The following DENND5B variants were observed in gnomAD, a reference collection of about 807,000 sequenced individuals.
DENND5B encodes DENN domain containing 5B.
DENND5B carries 34 observed loss-of-function variants against 140.6 expected under a neutral mutation model. The observed-to-expected ratio is 0.24, with a 90% CI of 0.18 to 0.32. DENND5B has a LOEUF of 0.32. DENND5B is among the 10% of genes least tolerant of loss of function. DENND5B has a pLI of 1.00. For synonymous variants in DENND5B, 551 were observed against 562.1 expected (o/e 0.98, Z 0.28); for missense variants, 1,142 against 1,560.2 (o/e 0.73, Z 4.52).
At chr12:31,502,345 A>G (rs1947042816) in intron 1 of DENND5B, among the ~76,000 whole-genome samples, 1 of 152,118 alleles carries the variant, frequency 6.6e-6, no homozygotes, top group Admixed American at 6.6e-5. Context: ...AAAACATTAT[A>G]TTCAATCTTA....
intron 17 of DENND5B, among the ~76,000 whole-genome samples, chr12:31,393,167 T>C (rs1266771707): frequency 1.3e-5 from 2 of 152,112 alleles, no homozygotes; most frequent in African/African-American, 2.4e-5. Flanking sequence ...TAGTGAAATG[T>C]TCCCTTATGC....
At chr12:31,394,935 C>T (rs1941354601) in intron 17 of DENND5B, among the ~76,000 whole-genome samples, 1 of 152,014 alleles carries the variant, frequency 6.6e-6, no homozygotes, top group Non-Finnish European at 1.5e-5. Flanking sequence ...TTTCAGTTAC[C>T]TTCCTTAGCT....
At chr12:31,479,309 T>C (rs992470963) in intron 3 of DENND5B, among the ~76,000 whole-genome samples, 1 of 152,124 alleles carries the variant, frequency 6.6e-6, no homozygotes, top group Non-Finnish European at 1.5e-5. Context: ...TTATATATTA[T>C]CAGGAAAAAA....
At chr12:31,395,507 C>T (rs903957653) in intron 17 of DENND5B, among the ~76,000 whole-genome samples, 6 of 152,236 alleles carry the variant, frequency 3.9e-5, no homozygotes, top group African/African-American at 1.4e-4. Flanking sequence ...GCAGGAGAAT[C>T]GCTTGAACCT....
intron 1 of DENND5B, among the ~76,000 whole-genome samples, chr12:31,560,774 G>A (rs915324671): frequency 6.6e-5 from 10 of 152,006 alleles, no homozygotes; most frequent in East Asian, 1.9e-4. Context: ...AGGGTTACTC[G>A]AACTCACCAG....
In DENND5B at chr12:31,387,581, TGA is replaced by T; in HGVS notation, c.*20_*21del. ...GTTGGGGAAGGAGCAAGGTTTGGACTGAGAGTTTCTAGCCAGTTGGGTTACAC... is the reference window on the plus strand; with the variant it reads ...GTTGGGGAAGGAGCAAGGTTTGGACTGAGTTTCTAGCCAGTTGGGTTACAC... On this transcript the variant is annotated 3_prime_UTR_variant, in exon 21 of 21. Transcript: ENST00000389082. 6.2e-7 allele frequency: 1 copy of T among 1,607,380 alleles called. No homozygotes were observed. Among genetic ancestry groups the T allele is most frequent in the South Asian group, 1.1e-5 (1 of 90,490 alleles).
intron 3 of DENND5B, among the ~76,000 whole-genome samples, chr12:31,477,037 A>C (rs937786862): frequency 1.3e-5 from 2 of 151,614 alleles, no homozygotes; most frequent in Non-Finnish European, 2.9e-5. Flanking sequence ...GACCAGCCTG[A>C]CCAACATGGT....
intron 10 of DENND5B, 79 bp from the exon 11 acceptor site, chr12:31,423,754 C>G: frequency 1.4e-6 from 2 of 1,434,242 alleles, no homozygotes; most frequent in Non-Finnish European, 1.9e-6. Flanking sequence ...CATTCATATT[C>G]CAATAGCCAT....
chr12:31,436,827 G>A (rs559612556), intron 7 of DENND5B, among the ~76,000 whole-genome samples: 3 of 151,992 alleles, frequency 2.0e-5, no homozygotes, highest in South Asian at 2.1e-4. Flanking sequence ...GAGTCACTGC[G>A]CCCGACCCAG....
At chr12:31,490,808 T>A (rs903187983) in intron 2 of DENND5B, among the ~76,000 whole-genome samples, 5 of 152,224 alleles carry the variant, frequency 3.3e-5, no homozygotes, top group Admixed American at 2.6e-4. Flanking sequence ...AATAGGTTTC[T>A]TCAGCCAACC....
rs1305054188 is a variant in DENND5B, at chr12:31,495,739, C to G, written c.237+71G>C. On this transcript the variant is annotated intron_variant, in intron 2 of 20. Transcript: ENST00000389082. ...TGAAATAAGGTAGACATTCAAAATACAGTCACTACCTTCATATTAATAAAG... is the reference window on the plus strand; with the variant it reads ...TGAAATAAGGTAGACATTCAAAATAGAGTCACTACCTTCATATTAATAAAG... The G allele has an allele frequency of 6.3e-6, 7 of 1,112,130 alleles. No individual in the cohort carries two copies. In the East Asian group the frequency reaches 1.7e-4, roughly 28 times the overall value. The allele number at this position is 1,112,130 out of a possible 1,614,324, so 68.9% of individuals were successfully genotyped here.
chr12:31,518,745 A>T (rs559057013), intron 1 of DENND5B, among the ~76,000 whole-genome samples: 2 of 151,146 alleles, frequency 1.3e-5, no homozygotes, highest in African/African-American at 2.4e-5. Flanking sequence ...TGGGTTTTTT[A>T]AATCTTTTTT....
chr12:31,580,986 T>C (rs1302751161), intron 1 of DENND5B, among the ~76,000 whole-genome samples: 1 of 152,110 alleles, frequency 6.6e-6, no homozygotes, highest in Admixed American at 6.6e-5. Flanking sequence ...ACACCTACAG[T>C]CCAAGCTACT....
chr12:31,493,382 T>C (rs1022914304), intron 2 of DENND5B, among the ~76,000 whole-genome samples: 5 of 152,190 alleles, frequency 3.3e-5, no homozygotes, highest in Admixed American at 1.3e-4. Context: ...ATGGAGTCTT[T>C]TAACAATATC....
intron 7 of DENND5B, among the ~76,000 whole-genome samples, chr12:31,434,294 T>G (rs1943644156): frequency 6.6e-6 from 1 of 152,228 alleles, no homozygotes; most frequent in Non-Finnish European, 1.5e-5. Flanking sequence ...CTAATTACTA[T>G]GTTCCAGTAT....
intron 1 of DENND5B, chr12:31,500,711 C>T (rs1230513431): frequency 5.9e-6 from 1 of 170,814 alleles, no homozygotes; most frequent in African/African-American, 2.5e-5. Flanking sequence ...AAATTACATC[C>T]CAACCACTGC....
chr12:31,534,140 G>T (rs1286363915), intron 1 of DENND5B, among the ~76,000 whole-genome samples: 1 of 151,968 alleles, frequency 6.6e-6, no homozygotes, highest in Middle Eastern at 3.4e-3. Flanking sequence ...ATCAGTTTCT[G>T]TTCAACTTGT....
intron 1 of DENND5B, among the ~76,000 whole-genome samples, chr12:31,510,845 C>T (rs1478008749): frequency 6.6e-6 from 1 of 152,122 alleles, no homozygotes; most frequent in Non-Finnish European, 1.5e-5. Context: ...TAACTGAATA[C>T]CCAGAAGACA....
chr12:31,464,062 ATTTT>A (rs60985669), intron 3 of DENND5B, among the ~76,000 whole-genome samples: 1 of 152,072 alleles, frequency 6.6e-6, no homozygotes, highest in Non-Finnish European at 1.5e-5. Context: ...TTCTTTAAGC[ATTTT>A]TTTTAAACTT....
Sources: gnomAD v4.1 joint callset for allele counts (sites outside exome capture counted in the v4.1 genomes callset) on GRCh38, gnomAD v4.1.1 for gene constraint, MANE v1.5 for transcripts, NCBI Gene and HGNC (gene_info 2026-07-23, HGNC 2026-07-21) for gene names.